Variants in NCKAP1 observed in about 807,000 individuals in gnomAD.
NCKAP1 encodes the protein NCK associated protein 1, also known as nck-associated protein 1.
In NCKAP1, 21 loss-of-function variants were observed where a neutral mutation model predicts 151.2. That is an observed-to-expected ratio of 0.14 (90% CI 0.10 to 0.20). NCKAP1 has a LOEUF of 0.20. Among genes scored for constraint, NCKAP1 ranks in the 10% least tolerant of loss-of-function variants. NCKAP1 has a pLI of 1.00. For synonymous variants in NCKAP1, 484 were observed against 451.8 expected, an observed-to-expected ratio of 1.07 and a Z score of -0.90; for missense variants, 933 against 1,352.1, an observed-to-expected ratio of 0.69 and a Z score of 4.86.
intron 20 of NCKAP1, among the ~76,000 whole-genome samples, chr2:182,955,104 A>C (rs1697298061): frequency 6.6e-6 from 1 of 152,228 alleles, no homozygotes; most frequent in African/African-American, 2.4e-5. Context: ...AGAACAAAAG[A>C]CAGTTCATCA....
intron 24 of NCKAP1, among the ~76,000 whole-genome samples, chr2:182,939,446 T>C (rs1004123263): frequency 6.6e-6 from 1 of 152,112 alleles, no homozygotes; most frequent in Non-Finnish European, 1.5e-5. Context: ...GGAGAATTGG[T>C]TGAACCAGGA....
At chr2:182,995,973 A>C in intron 6 of NCKAP1, 135 bp from the exon 7 acceptor site, 1 of 770,418 alleles carries the variant, frequency 1.3e-6, no homozygotes, top group Non-Finnish European at 2.1e-6. Context: ...TGCTCCTTAT[A>C]ATATCTGAGT....
intron 24 of NCKAP1, among the ~76,000 whole-genome samples, chr2:182,939,836 T>C (rs560256036): frequency 1.6e-3 from 247 of 152,316 alleles, no homozygotes; most frequent in Non-Finnish European, 3.1e-3. Context: ...TTCCAAATTA[T>C]AGAAAAGATT....
chr2:182,922,261 T>G lies in NCKAP1; in HGVS notation c.*3441A>C, dbSNP rs1696561824. On this transcript the variant is annotated 3_prime_UTR_variant, in exon 31 of 31. Coordinates refer to ENST00000361354, the MANE Select transcript of NCKAP1 (RefSeq NM_013436.5). ...TACCTTACAGAATTTGGGCTTCATTTAGAAGGCCTGATGGTGTACAACAGA... is the reference window on the plus strand; with the variant it reads ...TACCTTACAGAATTTGGGCTTCATTGAGAAGGCCTGATGGTGTACAACAGA... The G allele has an allele frequency of 6.6e-6, 1 of 152,236 alleles. No homozygotes were observed. The highest frequency in any genetic ancestry group is 2.1e-4 in the South Asian group (1 of 4,834). 9.4% of individuals were successfully genotyped at this position (152,236 alleles called of 1,614,324 possible). A position where few individuals can be genotyped will look rare whatever the true frequency, so the allele number is the denominator to read the frequency against.
chr2:182,984,994 C>A lies in NCKAP1; in HGVS notation c.1004+1177G>T, dbSNP rs978538921. ...TCTGCCTATAGTAGCGTCTATCCCA[C>A]GAAGAAATAATAATTATGTGCATTT... is the stretch of plus-strand genomic sequence containing the variant. On this transcript the variant is annotated intron_variant, in intron 10 of 30. Transcript: ENST00000361354. Among the ~76,000 whole-genome samples, 5 of 152,216 alleles carry A rather than the reference C, an allele frequency of 3.3e-5. No individual in the cohort carries two copies. In the South Asian group the frequency reaches 1.0e-3, roughly 32 times the overall value.
intron 8 of NCKAP1, among the ~76,000 whole-genome samples, chr2:182,991,994 T>C (rs1158670713): frequency 6.6e-6 from 1 of 152,174 alleles, no homozygotes; most frequent in Non-Finnish European, 1.5e-5. Context: ...TTCTTAAACT[T>C]TAGCTTGCAC....
rs1160233178 is a variant in NCKAP1, at chr2:182,910,288, G to A, written c.*15414C>T. 1 of 152,226 alleles carries A rather than the reference G, an allele frequency of 6.6e-6. No homozygotes were observed. The highest frequency in any genetic ancestry group is 2.4e-5 in the African/African-American group (1 of 41,450). 9.4% of individuals were successfully genotyped at this position (152,226 alleles called of 1,614,324 possible). A position where few individuals can be genotyped will look rare whatever the true frequency, so the allele number is the denominator to read the frequency against. On this transcript the variant is annotated 3_prime_UTR_variant, in exon 31 of 31. Coordinates refer to ENST00000361354, the MANE Select transcript of NCKAP1 (RefSeq NM_013436.5). ...CAAGCTACAGTTTTTGATTGAGTAG[G>A]AAAGCCAGCATGATTTGTGTTTCTG...
At position 182,917,990 on chromosome 2, in the gene NCKAP1, G is replaced by T. The variant is rs900466355; in HGVS notation, c.*7712C>A. On this transcript the variant is annotated 3_prime_UTR_variant, in exon 31 of 31. Transcript: ENST00000361354. Reference sequence around the variant, plus strand: ...TCATTTACCCAGGAAATGTTTTTTAGTGCTTTGGGAAAGAACATGATACAG... The same window carrying T: ...TCATTTACCCAGGAAATGTTTTTTATTGCTTTGGGAAAGAACATGATACAG... 7 of 152,094 alleles carry T rather than the reference G, an allele frequency of 4.6e-5. No individual in the cohort carries two copies. The highest frequency in any genetic ancestry group is 1.0e-4 in the Non-Finnish European group (7 of 68,022). The allele number at this position is 152,094 out of a possible 1,614,324, so 9.4% of individuals were successfully genotyped here.
chr2:183,023,330 C>T (rs1245148598), intron 2 of NCKAP1, among the ~76,000 whole-genome samples: 1 of 152,082 alleles, frequency 6.6e-6, no homozygotes, highest in East Asian at 1.9e-4. Context: ...CTAACACAAT[C>T]ATTTACTTGT....
rs375033293 is a variant in NCKAP1 at position 182,921,210 on chromosome 2, TTAA to T, written c.*4489_*4491del. On this transcript the variant is annotated 3_prime_UTR_variant, in exon 31 of 31. Transcript: ENST00000361354. ...TTTAGCACCTGATACTGCTGAGAAATTAATGACTCTGCACTGCATTAAATTTAA... is the reference window on the plus strand; with the variant it reads ...TTTAGCACCTGATACTGCTGAGAAATTGACTCTGCACTGCATTAAATTTAA... 2.0e-5 allele frequency: 3 copies of T among 152,318 alleles called. No individual in the cohort carries two copies. The highest frequency in any genetic ancestry group is 7.2e-5 in the African/African-American group (3 of 41,568). The allele number at this position is 152,318 out of a possible 1,614,324, so 9.4% of individuals were successfully genotyped here.
chr2:183,007,405 C>G (rs530091868), intron 2 of NCKAP1, among the ~76,000 whole-genome samples: 1 of 152,224 alleles, frequency 6.6e-6, no homozygotes, highest in Admixed American at 6.5e-5. Flanking sequence ...AATTAAGAAG[C>G]ATTTTCCACA....
rs771656526 is a variant in NCKAP1 at position 182,921,052 on chromosome 2, A to C, written c.*4650T>G. ...TGACCACAAAATCTTCAAATCCCAGAGTTGAAGAAAACACTTTTAGTCAGT... is the reference window on the plus strand; with the variant it reads ...TGACCACAAAATCTTCAAATCCCAGCGTTGAAGAAAACACTTTTAGTCAGT... On this transcript the variant is annotated 3_prime_UTR_variant, in exon 31 of 31. Transcript: ENST00000361354. 4 of 152,178 alleles carry C rather than the reference A, an allele frequency of 2.6e-5. No individual in the cohort carries two copies. Among genetic ancestry groups the C allele is most frequent in the Non-Finnish European group, 4.4e-5 (3 of 68,024 alleles). 9.4% of individuals were successfully genotyped at this position (152,178 alleles called of 1,614,324 possible).
intron 14 of NCKAP1, among the ~76,000 whole-genome samples, chr2:182,978,154 T>C (rs1697863895): frequency 6.6e-6 from 1 of 152,216 alleles, no homozygotes; most frequent in Admixed American, 6.5e-5. Context: ...ATTACTTAGA[T>C]GTGGTAGCAA....
At position 183,005,282 on chromosome 2, in the gene NCKAP1, C is replaced by T. The variant is rs139337771; in HGVS notation, c.220-1957G>A. Among the ~76,000 whole-genome samples, 768 of 152,096 alleles carry T rather than the reference C, an allele frequency of 5.0e-3. 11 individuals carry two copies. The highest frequency in any genetic ancestry group is 0.017 in the African/African-American group (726 of 41,488). ...TAATAATCCCAATTTATTTTAGTTGCCCTAGTATAATTTTACTAATTGTGT... is the reference window on the plus strand; with the variant it reads ...TAATAATCCCAATTTATTTTAGTTGTCCTAGTATAATTTTACTAATTGTGT... On this transcript the variant is annotated intron_variant, in intron 2 of 30. Coordinates refer to ENST00000361354, the MANE Select transcript of NCKAP1 (RefSeq NM_013436.5).
intron 8 of NCKAP1, among the ~76,000 whole-genome samples, 185 bp downstream of exon 8, chr2:182,994,654 A>C (rs554373378): frequency 3.9e-5 from 6 of 152,082 alleles, no homozygotes; most frequent in Non-Finnish European, 8.8e-5. Context: ...AAAAAGAAAA[A>C]AAAGAAAAAA....
chr2:182,964,497 A>G (rs1380796782), intron 17 of NCKAP1, among the ~76,000 whole-genome samples, 179 bp downstream of exon 17: 1 of 152,082 alleles, frequency 6.6e-6, no homozygotes, highest in Non-Finnish European at 1.5e-5. Context: ...ACTTATGTTT[A>G]TTTATCTATA....
At position 182,925,810 on chromosome 2, in the gene NCKAP1, T is replaced by C; in HGVS notation, c.3279A>G (p.Gln1093=). 3 of 1,531,774 alleles carry C rather than the reference T, an allele frequency of 2.0e-6. No homozygotes were observed. Among genetic ancestry groups the C allele is most frequent in the African/African-American group, 1.4e-5 (1 of 70,862 alleles). 94.9% of individuals were successfully genotyped at this position (1,531,774 alleles called of 1,614,324 possible). Residue 1093 remains glutamine, a synonymous_variant, in exon 31 of 31, where the codon CAA becomes CAG. Coordinates refer to ENST00000361354, the MANE Select transcript of NCKAP1 (RefSeq NM_013436.5). ...SVYLLLDMIV[Q]ESPFLTMDLL... is the part of the protein sequence containing the mutation. The stretch of plus-strand genomic sequence containing the variant: ...GATCCATTGTAAGGAATGGAGATTC[T>C]TGTACAATCTGTAAAATTCAAAAAA...
chr2:182,995,348 T>C (rs1341641189), intron 7 of NCKAP1, among the ~76,000 whole-genome samples: 1 of 152,186 alleles, frequency 6.6e-6, no homozygotes, highest in Non-Finnish European at 1.5e-5. Context: ...CTGAAAAAAA[T>C]ATAATGGAAT....
chr2:182,967,118 G>A, intron 16 of NCKAP1, 98 bp downstream of exon 16: 1 of 1,100,878 alleles, frequency 9.1e-7, no homozygotes, highest in Non-Finnish European at 1.3e-6. Context: ...ATCTATTACT[G>A]AACTGTCTTA....
Sources: allele counts gnomAD v4.1 joint callset (sites outside exome capture counted in the v4.1 genomes callset), GRCh38; gene constraint gnomAD v4.1.1; transcripts MANE v1.5; gene names NCBI Gene and HGNC (gene_info 2026-07-23, HGNC 2026-07-21).